Variants in SEZ6L observed in about 807,000 individuals in gnomAD.
The protein encoded by SEZ6L is seizure 6-like protein.
SEZ6L carries 37 observed loss-of-function variants against 106.2 expected under a neutral mutation model. The observed-to-expected ratio is 0.35, with a 90% confidence interval of 0.27 to 0.46. The LOEUF is 0.46. Among genes scored for constraint, SEZ6L ranks in the 20% least tolerant of loss-of-function variants. The probability of loss-of-function intolerance (pLI) is 1.00; values close to 1 mark genes in which losing one functional copy is unlikely to be tolerated. For synonymous variants in SEZ6L, 541 were observed against 570.4 expected (o/e 0.95, Z 0.73); for missense variants, 1,172 against 1,332.8 (o/e 0.88, Z 1.88).
At chr22:26,291,744 C>G (rs757360821) in intron 1 of SEZ6L, among the ~76,000 whole-genome samples, 5 of 152,232 alleles carry the variant, frequency 3.3e-5, no homozygotes, top group Non-Finnish European at 7.3e-5. Flanking sequence ...ATCTGCCCAA[C>G]TGTACATGGC....
At chr22:26,377,585 AG>A in intron 15 of SEZ6L, 87 bp from the exon 16 acceptor site, 4 of 1,049,340 alleles carry the variant, frequency 3.8e-6, no homozygotes, top group Non-Finnish European at 5.9e-6. Context: ...GCCGCTGCTC[AG>A]GAAGTGGCAC....
intron 1 of SEZ6L, among the ~76,000 whole-genome samples, chr22:26,171,091 C>T (rs1231169569): frequency 6.6e-6 from 1 of 152,170 alleles, no homozygotes; most frequent in Non-Finnish European, 1.5e-5. Context: ...GGCATTTTAT[C>T]CCCCATCTCC....
intron 10 of SEZ6L, among the ~76,000 whole-genome samples, chr22:26,344,639 A>C (rs1472147007): frequency 2.0e-5 from 3 of 152,214 alleles, no homozygotes; most frequent in Non-Finnish European, 4.4e-5. Context: ...CTTGGTGCTA[A>C]TCTTGTCCAT....
chr22:26,345,908 A>T lies in SEZ6L; in HGVS notation c.2213-1811A>T, dbSNP rs184247184. ...AAAAACAGAACAATTACAGAGAAAG[A>T]CACAGTAATAAGCTGTGGGTAGCAT... On this transcript the variant is annotated intron_variant, in intron 10 of 16. Transcript: ENST00000248933. Among the ~76,000 whole-genome samples the T allele has an allele frequency of 4.6e-5, 7 of 152,360 alleles. No homozygotes were observed. The East Asian group carries it at 1.3e-3, about 29-fold the overall frequency.
At chr22:26,190,764 A>G (rs1940137865) in intron 1 of SEZ6L, among the ~76,000 whole-genome samples, 2 of 152,240 alleles carry the variant, frequency 1.3e-5, no homozygotes, top group Non-Finnish European at 2.9e-5. Flanking sequence ...ATGTTCGCCA[A>G]GAGAAAAGTC....
chr22:26,193,419 C>A (rs1029391131), intron 1 of SEZ6L, among the ~76,000 whole-genome samples: 1 of 152,154 alleles, frequency 6.6e-6, no homozygotes, highest in Admixed American at 6.5e-5. Context: ...CAAGTTTGTG[C>A]CTAGACAGAC....
chr22:26,316,904 AG>A (rs373154686), intron 9 of SEZ6L, among the ~76,000 whole-genome samples: 52,600 of 97,078 alleles, frequency 0.54, 11,789 homozygotes, highest in South Asian at 0.63. Context: ...GAAAGAAAGA[AG>A]AAAGAAAGAA....
intron 9 of SEZ6L, among the ~76,000 whole-genome samples, chr22:26,337,526 C>CT (rs2082683838): frequency 6.6e-6 from 1 of 152,192 alleles, no homozygotes; most frequent in African/African-American, 2.4e-5. Flanking sequence ...CCCTCCCCTA[C>CT]TACAGGTCCA....
chr22:26,369,558 T>C lies in SEZ6L; in HGVS notation c.2795-3893T>C, dbSNP rs184818818. On this transcript the variant is annotated intron_variant, in intron 13 of 16. Transcript: ENST00000248933. ...GTTTTCACCGTGTTAGCCAGGATGG[T>C]CTCGATCTCCTGACCTCGTGATTCG... Among the ~76,000 whole-genome samples, 647 of 151,668 alleles carry C rather than the reference T, an allele frequency of 4.3e-3. 18 individuals carry two copies. The highest frequency in any genetic ancestry group is 0.032 in the Admixed American group (480 of 15,198).
chr22:26,287,993 C>T (rs74908025), intron 1 of SEZ6L, among the ~76,000 whole-genome samples: 3,608 of 152,286 alleles, frequency 0.024, 152 homozygotes, highest in African/African-American at 0.083. Flanking sequence ...ATAGCTGCTG[C>T]GGTTAGCACC....
At chr22:26,307,509 T>C (rs1195561498) in intron 6 of SEZ6L, among the ~76,000 whole-genome samples, 1 of 152,070 alleles carries the variant, frequency 6.6e-6, no homozygotes, top group East Asian at 1.9e-4. Flanking sequence ...TGAATAATTT[T>C]CCCATACCTC....
chr22:26,272,440 C>T (rs987022345), intron 1 of SEZ6L, among the ~76,000 whole-genome samples: 5 of 152,090 alleles, frequency 3.3e-5, no homozygotes, highest in East Asian at 1.9e-4. Context: ...ACAAAAAAAC[C>T]GAATTTTTAC....
chr22:26,303,687 A>C (rs1417357710), intron 5 of SEZ6L, among the ~76,000 whole-genome samples: 2 of 152,220 alleles, frequency 1.3e-5, no homozygotes. Context: ...CACATTCTAC[A>C]TACCAGGAGC....
intron 1 of SEZ6L, among the ~76,000 whole-genome samples, chr22:26,237,228 A>G (rs1186038703): frequency 1.3e-5 from 2 of 152,228 alleles, no homozygotes; most frequent in Non-Finnish European, 2.9e-5. Flanking sequence ...GCTTCTTAGC[A>G]CTGACTCGCT....
intron 9 of SEZ6L, among the ~76,000 whole-genome samples, chr22:26,330,341 G>A (rs9625011): frequency 1.1e-4 from 16 of 152,298 alleles, no homozygotes; most frequent in South Asian, 4.1e-4. Context: ...GTGAAGAGTC[G>A]TACTTACAGG....
At chr22:26,211,492 T>C (rs555967548) in intron 1 of SEZ6L, among the ~76,000 whole-genome samples, 1 of 152,272 alleles carries the variant, frequency 6.6e-6, no homozygotes, top group South Asian at 2.1e-4. Flanking sequence ...TGCTACTCCA[T>C]TTTATATGCA....
At chr22:26,179,287 G>A (rs1939227954) in intron 1 of SEZ6L, among the ~76,000 whole-genome samples, 1 of 152,190 alleles carries the variant, frequency 6.6e-6, no homozygotes, top group Non-Finnish European at 1.5e-5. Flanking sequence ...CTACTCAAGA[G>A]GCTGAGATGG....
At chr22:26,195,435 G>A (rs1463645464) in intron 1 of SEZ6L, among the ~76,000 whole-genome samples, 1 of 152,120 alleles carries the variant, frequency 6.6e-6, no homozygotes, top group Non-Finnish European at 1.5e-5. Flanking sequence ...TTTCGAAAAT[G>A]GGGGTACTCA....
chr22:26,210,320 T>C (rs2078121198), intron 1 of SEZ6L, among the ~76,000 whole-genome samples: 1 of 152,238 alleles, frequency 6.6e-6, no homozygotes, highest in Admixed American at 6.5e-5. Context: ...TAATCAATTC[T>C]CCCTGTTTCC....
Sources: allele counts gnomAD v4.1 joint callset (sites outside exome capture counted in the v4.1 genomes callset), GRCh38; gene constraint gnomAD v4.1.1; transcripts MANE v1.5; gene names NCBI Gene and HGNC (gene_info 2026-07-23, HGNC 2026-07-21).